CACNA2D3: variants seen among roughly 807,000 people sequenced by gnomAD.
CACNA2D3 encodes the protein voltage-dependent calcium channel subunit alpha-2/delta-3.
In CACNA2D3, 60 loss-of-function variants were observed where a neutral mutation model predicts 160.6. That is an observed-to-expected ratio of 0.37 (90% CI 0.30 to 0.46). The LOEUF is 0.46. CACNA2D3 is among the 20% of genes least tolerant of loss of function. The pLI is 1.00. For synonymous variants in CACNA2D3, 558 were observed against 492.9 expected (o/e 1.13, Z -1.75); for missense variants, 1,205 against 1,365.0 (o/e 0.88, Z 1.85).
At chr3:54,401,589 G>A (rs948901181) in intron 4 of CACNA2D3, among the ~76,000 whole-genome samples, 1 of 152,046 alleles carries the variant, frequency 6.6e-6, no homozygotes, top group Non-Finnish European at 1.5e-5. Context: ...GGAGAGAAAG[G>A]GATGAAAATT....
chr3:54,383,196 T>G (rs1394569237), intron 3 of CACNA2D3, among the ~76,000 whole-genome samples: 1 of 152,186 alleles, frequency 6.6e-6, no homozygotes, highest in Non-Finnish European at 1.5e-5. Context: ...TTTTAATTTG[T>G]TTACCTTTAT....
rs1037061572 is a variant in CACNA2D3 at position 54,969,690 on chromosome 3, GCC to G, written c.2512-108_2512-107del. 9.1e-6 allele frequency: 7 copies of G among 772,626 alleles called. No homozygotes were observed. The African/African-American group carries it at 1.2e-4, about 13-fold the overall frequency. The allele number at this position is 772,626 out of a possible 1,614,324, so 47.9% of individuals were successfully genotyped here. On this transcript the variant is annotated intron_variant, in intron 28 of 37. Transcript: ENST00000474759. Reference sequence around the variant, plus strand: ...AATGAAATTGGGTATTTGAATTCTAGCCCATGACTTGGATAGCTTGTCCTTAA... The same window carrying G: ...AATGAAATTGGGTATTTGAATTCTAGCATGACTTGGATAGCTTGTCCTTAA...
At chr3:54,636,895 A>G (rs1241249291) in intron 10 of CACNA2D3, among the ~76,000 whole-genome samples, 4 of 152,006 alleles carry the variant, frequency 2.6e-5, no homozygotes, top group Admixed American at 1.3e-4. Flanking sequence ...GAGCCTAATC[A>G]GTGTCAGGGT....
At chr3:54,184,896 A>G (rs549861253) in intron 2 of CACNA2D3, among the ~76,000 whole-genome samples, 17 of 152,200 alleles carry the variant, frequency 1.1e-4, no homozygotes, top group Non-Finnish European at 2.2e-4. Flanking sequence ...CATTTCTAGT[A>G]TTAGCGAGGG....
intron 2 of CACNA2D3, among the ~76,000 whole-genome samples, chr3:54,298,719 A>G (rs1703397460): frequency 6.6e-6 from 1 of 152,048 alleles, no homozygotes; most frequent in Non-Finnish European, 1.5e-5. Context: ...GGTGGGGGGA[A>G]TTACCCAAGC....
At chr3:55,027,051 TTCC>T (rs768196042) in intron 35 of CACNA2D3, among the ~76,000 whole-genome samples, 1 of 152,178 alleles carries the variant, frequency 6.6e-6, no homozygotes, top group Non-Finnish European at 1.5e-5. Flanking sequence ...ACTTGTTCTC[TTCC>T]TCCTCCTCTT....
At chr3:54,744,266 T>C (rs1701707085) in intron 11 of CACNA2D3, among the ~76,000 whole-genome samples, 2 of 152,226 alleles carry the variant, frequency 1.3e-5, no homozygotes, top group South Asian at 4.1e-4. Context: ...GGGCCCATCT[T>C]GATCATCCAA....
At chr3:54,397,660 G>C (rs1435837148) in intron 4 of CACNA2D3, among the ~76,000 whole-genome samples, 4 of 71,916 alleles carry the variant, frequency 5.6e-5, no homozygotes, top group East Asian at 4.9e-4. Context: ...GTTCTAGTTT[G>C]ATTGCACTGT....
chr3:54,848,910 C>G (rs1192941717), intron 17 of CACNA2D3, among the ~76,000 whole-genome samples: 1 of 152,180 alleles, frequency 6.6e-6, no homozygotes, highest in Non-Finnish European at 1.5e-5. Context: ...AAAGCAGGCC[C>G]CAGAATATCT....
intron 2 of CACNA2D3, among the ~76,000 whole-genome samples, chr3:54,205,808 C>A (rs1250833273): frequency 1.3e-5 from 2 of 152,100 alleles, no homozygotes; most frequent in African/African-American, 4.8e-5. Context: ...TGGAGGATGT[C>A]CTCTTGTATT....
intron 13 of CACNA2D3, among the ~76,000 whole-genome samples, chr3:54,805,453 AG>A (rs1277326486): frequency 2.8e-4 from 43 of 152,332 alleles, no homozygotes; most frequent in African/African-American, 9.9e-4. Flanking sequence ...AAAATCTAGA[AG>A]AAATGGATAA....
chr3:54,709,480 C>T (rs1288591662), intron 11 of CACNA2D3, among the ~76,000 whole-genome samples: 1 of 152,078 alleles, frequency 6.6e-6, no homozygotes, highest in Non-Finnish European at 1.5e-5. Flanking sequence ...TCCCACTCAG[C>T]CTCCCGAGTA....
chr3:54,487,739 A>G (rs1701038430), intron 4 of CACNA2D3, among the ~76,000 whole-genome samples: 1 of 152,248 alleles, frequency 6.6e-6, no homozygotes, highest in African/African-American at 2.4e-5. Flanking sequence ...CCTGTTGTTC[A>G]GTATGGTAGC....
chr3:54,638,372 C>T (rs1699425623), intron 10 of CACNA2D3: 1 of 151,944 alleles, frequency 6.6e-6, no homozygotes, highest in Non-Finnish European at 1.5e-5. Context: ...TAGCTCCAGC[C>T]ACCTTTTTAA....
intron 13 of CACNA2D3, among the ~76,000 whole-genome samples, chr3:54,809,505 A>T (rs1265037172): frequency 1.4e-5 from 2 of 141,682 alleles, no homozygotes; most frequent in African/African-American, 5.8e-5. Context: ...TTTTTAGTAG[A>T]GACGGGGTTT....
intron 11 of CACNA2D3, among the ~76,000 whole-genome samples, chr3:54,740,531 AGCTCG>A (rs1701628857): frequency 6.6e-6 from 1 of 152,114 alleles, no homozygotes; most frequent in African/African-American, 2.4e-5. Context: ...ACAGAAAGTG[AGCTCG>A]TACAGATCAC....
intron 2 of CACNA2D3, among the ~76,000 whole-genome samples, chr3:54,171,630 G>T (rs1202208011): frequency 1.3e-5 from 2 of 152,198 alleles, no homozygotes; most frequent in Non-Finnish European, 2.9e-5. Context: ...AAGCTTAAAG[G>T]TTTAAACTGT....
intron 3 of CACNA2D3, among the ~76,000 whole-genome samples, chr3:54,356,204 C>G (rs1340546549): frequency 2.6e-5 from 4 of 152,088 alleles, no homozygotes. Context: ...TTGTCATTCA[C>G]CAGAGAGAGA....
At chr3:54,581,301 G>A (rs1004612623) in intron 8 of CACNA2D3, among the ~76,000 whole-genome samples, 9 of 152,186 alleles carry the variant, frequency 5.9e-5, no homozygotes, top group Non-Finnish European at 1.2e-4. Context: ...ATTGTGCATG[G>A]ACAGTTTCCT....
Sources: gnomAD v4.1 joint callset for allele counts (sites outside exome capture counted in the v4.1 genomes callset) on GRCh38, gnomAD v4.1.1 for gene constraint, MANE v1.5 for transcripts, NCBI Gene and HGNC (gene_info 2026-07-23, HGNC 2026-07-21) for gene names.